The following OTOF variants were observed in gnomAD, a reference collection of about 807,000 sequenced individuals.
The protein encoded by OTOF is fer-1-like family member 2.
OTOF carries 218 observed loss-of-function variants against 236.8 expected under a neutral mutation model. That is an observed-to-expected ratio of 0.92 (90% CI 0.82 to 1.03). The LOEUF is 1.03. Ranked by LOEUF, OTOF falls within the 50% of genes least tolerant of loss-of-function variation. The probability of loss-of-function intolerance (pLI) is 0.00; values close to 1 mark genes in which losing one functional copy is unlikely to be tolerated. For synonymous variants in OTOF, 1,041 were observed against 1,072.5 expected (o/e 0.97, Z 0.57); for missense variants, 2,590 against 2,694.4 (o/e 0.96, Z 0.86).
rs80214437 is a variant in OTOF, at chr2:26,467,120, C to T, written c.4341G>A (p.Glu1447=). 7,606 of 1,613,820 alleles carry T rather than the reference C, an allele frequency of 4.7e-3. 314 individuals carry two copies. In the African/African-American group the frequency reaches 0.089, roughly 19 times the overall value. ...TGACCTTGAAGCGTCCCACAATGCG[C>T]TCCTCCTCGGTGGAGCCATCCTCAT... is the stretch of plus-strand genomic sequence containing the variant. ...GDDEDGSTEE[E]RIVGRFKGSL... is the part of the protein sequence containing the mutation. Residue 1447 remains glutamate, a synonymous_variant, in exon 35 of 47, where the codon GAG becomes GAA. Coordinates refer to ENST00000272371, the MANE Select transcript of OTOF (RefSeq NM_194248.3).
Position 26,477,826 on chromosome 2 carries a change from A to C in OTOF, c.2215-77T>G, listed in dbSNP as rs76130130. ...CTCCCCAAATGCCTCCTCCCTGTTG[A>C]TCAGGGGAGTGAGGGACCTCATGAT... On this transcript the variant is annotated intron_variant, in intron 18 of 46. Transcript: ENST00000272371. The surrounding 1 kb of genome is among the most constrained non-coding windows in gnomAD (Gnocchi z 4.7). The C allele has an allele frequency of 5.2e-3, 8,201 of 1,587,232 alleles. 37 individuals carry two copies. Among genetic ancestry groups the C allele is most frequent in the Non-Finnish European group, 6.0e-3 (6,952 of 1,166,956 alleles).
intron 29 of OTOF, among the ~76,000 whole-genome samples, 176 bp downstream of exon 29, chr2:26,472,956 T>G (rs1201147197): frequency 6.6e-6 from 1 of 152,206 alleles, no homozygotes; most frequent in Admixed American, 6.5e-5. Context: ...TCTCTGGCTG[T>G]AGAGCTGGCG....
intron 2 of OTOF, 56 bp downstream of exon 2, chr2:26,537,660 T>C: frequency 7.3e-7 from 1 of 1,367,020 alleles, no homozygotes; most frequent in African/African-American, 1.4e-5. Flanking sequence ...CAGCGAAGGG[T>C]GGCTGTTCCC....
At chr2:26,475,520 G>A (rs757511390) in intron 24 of OTOF, 27 bp from the exon 25 acceptor site, 3 of 1,607,798 alleles carry the variant, frequency 1.9e-6, no homozygotes, top group Non-Finnish European at 1.7e-6. Context: ...GGAGACAGGG[G>A]ACAAGTGACA....
At chr2:26,514,378 C>T (rs1666467855) in intron 5 of OTOF, among the ~76,000 whole-genome samples, 1 of 152,256 alleles carries the variant, frequency 6.6e-6, no homozygotes, top group Non-Finnish European at 1.5e-5. Context: ...GTGGGGAAGC[C>T]ACCAGGCTGT....
At chr2:26,489,000 C>T (rs979494925) in intron 11 of OTOF, among the ~76,000 whole-genome samples, 2 of 152,240 alleles carry the variant, frequency 1.3e-5, no homozygotes, top group African/African-American at 4.8e-5. Flanking sequence ...AGTGAGAACC[C>T]ACCAGACTGG....
rs1170405077 is a variant in OTOF at position 26,526,748 on chromosome 2, T to G, written c.227+1084A>C. 3.3e-5 allele frequency among the ~76,000 whole-genome samples: 5 copies of G among 152,226 alleles called. No individual in the cohort carries two copies. The East Asian group carries it at 9.6e-4, about 29-fold the overall frequency. ...GGATGAGGCCTACTTTTCTTTTGTT[T>G]GTAGTCTCCTCCCACTGTTGAGTCA... On this transcript the variant is annotated intron_variant, in intron 3 of 46. Coordinates refer to ENST00000272371, the MANE Select transcript of OTOF (RefSeq NM_194248.3).
At position 26,467,114 on chromosome 2, in the gene OTOF, A is replaced by T. The variant is rs1316196379; in HGVS notation, c.4347T>A (p.Ile1449=). Residue 1449 remains isoleucine, a synonymous_variant, in exon 35 of 47, where the codon ATT becomes ATA. Coordinates refer to ENST00000272371, the MANE Select transcript of OTOF (RefSeq NM_194248.3). ...DEDGSTEEER[I]VGRFKGSLCV... The stretch of plus-strand genomic sequence containing the variant: ...CTGGCCTGACCTTGAAGCGTCCCAC[A>T]ATGCGCTCCTCCTCGGTGGAGCCAT... 1 of 1,613,524 alleles carries T rather than the reference A, an allele frequency of 6.2e-7. No individual in the cohort carries two copies. Among genetic ancestry groups the T allele is most frequent in the East Asian group, 2.2e-5 (1 of 44,868 alleles).
intron 16 of OTOF, 78 bp downstream of exon 16, chr2:26,480,125 C>A (rs907399511): frequency 1.2e-6 from 1 of 837,350 alleles, no homozygotes; most frequent in Admixed American, 1.7e-5. Context: ...TCACACTTAC[C>A]ACCTGCAGCC....
intron 15 of OTOF, 53 bp from the exon 16 acceptor site, chr2:26,480,364 G>A (rs1558489080): frequency 1.0e-5 from 11 of 1,097,304 alleles, no homozygotes; most frequent in East Asian, 2.3e-5. Context: ...GTGGCAGGTC[G>A]GGGGCCAGGC....
chr2:26,540,811 T>C (rs1289170045), intron 1 of OTOF, among the ~76,000 whole-genome samples: 1 of 152,102 alleles, frequency 6.6e-6, no homozygotes, highest in Non-Finnish European at 1.5e-5. Flanking sequence ...AGAAGCTATC[T>C]ATACGGCAAA....
chr2:26,495,857 C>A (rs111365729), intron 8 of OTOF, among the ~76,000 whole-genome samples: 3 of 152,356 alleles, frequency 2.0e-5, no homozygotes, highest in African/African-American at 7.2e-5. Flanking sequence ...ATAAAGCTTT[C>A]AAAGTCTTCA....
chr2:26,503,757 C>A lies in OTOF; in HGVS notation c.583+15G>T. The stretch of plus-strand genomic sequence containing the variant: ...GAGGCGCGGGGCTGCGGGGCTCACG[C>A]GGCACCTGTCCTACCTGGTCTTTGG... On this transcript the variant is annotated intron_variant, in intron 6 of 46. Coordinates refer to ENST00000272371, the MANE Select transcript of OTOF (RefSeq NM_194248.3). 4 of 1,611,230 alleles carry A rather than the reference C, an allele frequency of 2.5e-6. No individual in the cohort carries two copies. The highest frequency in any genetic ancestry group is 3.4e-6 in the Non-Finnish European group (4 of 1,177,522).
chr2:26,459,883 T>G, intron 46 of OTOF, 125 bp downstream of exon 46: 2 of 930,334 alleles, frequency 2.1e-6, no homozygotes, highest in Non-Finnish European at 3.3e-6. Context: ...TGTGCATACA[T>G]GCTTGTGTGT....
chr2:26,466,646 C>T (rs1572409555), intron 36 of OTOF, 68 bp downstream of exon 36: 1 of 1,590,726 alleles, frequency 6.3e-7, no homozygotes, highest in East Asian at 2.2e-5. Flanking sequence ...CAGTATGCAG[C>T]TTCTTTGCTC....
At chr2:26,522,412 G>A (rs1223757817) in intron 3 of OTOF, among the ~76,000 whole-genome samples, 5 of 152,144 alleles carry the variant, frequency 3.3e-5, no homozygotes, top group African/African-American at 4.8e-5. Context: ...CCCTCAGCCC[G>A]TCTTCTATAG....
chr2:26,471,397 G>A (rs1206875022), intron 30 of OTOF, among the ~76,000 whole-genome samples: 4 of 152,142 alleles, frequency 2.6e-5, no homozygotes, highest in Admixed American at 1.3e-4. Context: ...GCTGGCCCAC[G>A]TTCTGCCCTT....
At chr2:26,507,545 CT>C (rs1268104152) in intron 5 of OTOF, among the ~76,000 whole-genome samples, 1 of 152,128 alleles carries the variant, frequency 6.6e-6, no homozygotes, top group African/African-American at 2.4e-5. Flanking sequence ...TTGTCCTGGC[CT>C]TTTTTTGTTT....
rs148769562 is a variant in OTOF at position 26,477,702 on chromosome 2, G to A, written c.2262C>T (p.Ser754=). 2 of 1,612,560 alleles carry A rather than the reference G, an allele frequency of 1.2e-6. No individual in the cohort carries two copies. Among genetic ancestry groups the A allele is most frequent in the African/African-American group, 1.3e-5 (1 of 74,922 alleles). ...DIQEMIKTEK[S]YPERRLRGVL... is the part of the protein sequence containing the mutation. ...CGCCCCGCAGGCGACGCTCAGGGTAGGACTTCTCCGTTTTGATCATCTCCT... is the reference window on the plus strand; with the variant it reads ...CGCCCCGCAGGCGACGCTCAGGGTAAGACTTCTCCGTTTTGATCATCTCCT... Residue 754 remains serine (S), a synonymous_variant, in exon 19 of 47, where the codon TCC becomes TCT. Transcript: ENST00000272371. This position sits in a 1 kb window ranked among gnomAD's most constrained non-coding sequence, Gnocchi z 4.7.
Sources: allele counts gnomAD v4.1 joint callset (sites outside exome capture counted in the v4.1 genomes callset), GRCh38; gene constraint gnomAD v4.1.1; non-coding constraint Gnocchi (gnomAD v3.1); transcripts MANE v1.5; gene names NCBI Gene and HGNC (gene_info 2026-07-23, HGNC 2026-07-21).